TUBB8B: variants seen among roughly 807,000 people sequenced by gnomAD.
TUBB8B encodes HSA18p11 beta-tubulin 4Q pseudogene.
Under a neutral mutation model 31.9 loss-of-function variants are expected in TUBB8B, and 26 were observed. The observed-to-expected ratio is 0.81, with a 90% CI of 0.60 to 1.13. The LOEUF (loss-of-function observed/expected upper bound fraction) is 1.13. Among genes scored for constraint, TUBB8B ranks in the 50% most tolerant of loss-of-function variants. TUBB8B has a pLI of 0.00. For synonymous variants in TUBB8B, 173 were observed against 231.0 expected (o/e 0.75, Z 2.28); for missense variants, 467 against 586.7 (o/e 0.80, Z 2.11).
the TUBB8B span, among the ~76,000 whole-genome samples, chr18:70,155 G>T: frequency 3.9e-5 from 6 of 152,004 alleles, 1 homozygote; most frequent in South Asian, 1.2e-3. Flanking sequence ...GCAAAACCCT[G>T]TCTCAAAAAA....
rs1568384276 is a variant in TUBB8B at position 49,159 on chromosome 18, G to A, written c.136C>T (p.Arg46Cys). 3.3e-6 allele frequency: 5 copies of A among 1,495,010 alleles called. No individual in the cohort carries two copies. The highest frequency in any genetic ancestry group is 2.0e-5 in the Admixed American group (1 of 51,186). 92.6% of individuals were successfully genotyped at this position (1,495,010 alleles called of 1,614,324 possible). A position where few individuals can be genotyped will look rare whatever the true frequency, so the allele number is the denominator to read the frequency against. Reference protein sequence around the residue: ...YHGDSHLQLERINVHHHEASG... With the variant: ...YHGDSHLQLECINVHHHEASG... ...GCCTCGTGGTGGTGCACGTTGATGC[G>A]CTCCAGCTGCAGGTGGCTGTCCCCG... Residue 46 changes from arginine to cysteine, a missense_variant, in exon 2 of 4, where the codon CGC becomes TGC. Transcript: ENST00000308911.
chr18:59,871 C>T, the TUBB8B span, among the ~76,000 whole-genome samples: 2 of 151,782 alleles, frequency 1.3e-5, no homozygotes, highest in Non-Finnish European at 2.9e-5. Context: ...TGATATATCA[C>T]ATTGACTGAT....
At chr18:68,204 A>G in the TUBB8B span, among the ~76,000 whole-genome samples, 1 of 152,116 alleles carries the variant, frequency 6.6e-6, no homozygotes, top group African/African-American at 2.4e-5. Context: ...ACTTCTAGGA[A>G]TCTTGCAATA....
chr18:56,033 T>C, the TUBB8B span, among the ~76,000 whole-genome samples: 1 of 151,922 alleles, frequency 6.6e-6, no homozygotes, highest in Non-Finnish European at 1.5e-5. Context: ...AGTGTTGTAG[T>C]TTCATTCTTC....
At chr18:61,160 T>C in the TUBB8B span, among the ~76,000 whole-genome samples, 2 of 151,696 alleles carry the variant, frequency 1.3e-5, no homozygotes, top group African/African-American at 2.4e-5. Flanking sequence ...TATTTCTTAT[T>C]ATATCCTCTT....
chr18:57,762 G>C, the TUBB8B span, among the ~76,000 whole-genome samples: 1 of 151,892 alleles, frequency 6.6e-6, no homozygotes, highest in Non-Finnish European at 1.5e-5. Flanking sequence ...TTCTCCATGA[G>C]GGCTCCACCC....
At chr18:65,378 A>T in the TUBB8B span, among the ~76,000 whole-genome samples, 1 of 152,166 alleles carries the variant, frequency 6.6e-6, no homozygotes, top group Admixed American at 6.5e-5. Flanking sequence ...ATTACACAAC[A>T]TGATCACTAC....
At chr18:55,399 A>G in the TUBB8B span, among the ~76,000 whole-genome samples, 1 of 151,810 alleles carries the variant, frequency 6.6e-6, no homozygotes, top group Non-Finnish European at 1.5e-5. Context: ...GTGCCTGGCG[A>G]GACTGGGTAA....
At chr18:50,933 A>G (rs897422004), upstream of TUBB8B, among the ~76,000 whole-genome samples, 6 of 150,218 alleles carry the variant, frequency 4.0e-5, no homozygotes, top group African/African-American at 1.5e-4. Context: ...TGAATGATGT[A>G]TGGAAAAGCC....
chr18:60,905 C>T, the TUBB8B span, among the ~76,000 whole-genome samples: 4 of 151,584 alleles, frequency 2.6e-5, no homozygotes, highest in African/African-American at 9.7e-5. Context: ...AACCCATGTG[C>T]AGAGAAGAAC....
rs767523472 is a variant in TUBB8B at position 47,732 on chromosome 18, G to A, written c.993C>T (p.Phe331=). Residue 331 remains phenylalanine (F), a synonymous_variant, in exon 4 of 4, where the codon TTC becomes TTT. Transcript: ENST00000308911. ...AGCTGCTGTTCTTATCTTGAATGTT[G>A]AACATTTGTTCATCCACCTCCCTCA... The part of the protein sequence containing the change: ...MPMREVDEQM[F]NIQDKNSSYF... 7.8e-5 allele frequency: 125 copies of A among 1,610,786 alleles called. 1 individual carries two copies. Among genetic ancestry groups the A allele is most frequent in the Non-Finnish European group, 1.0e-4 (120 of 1,178,626 alleles).
chr18:72,177 C>CAAAAAAAAAAAAAAAAAAAAAA, the TUBB8B span, among the ~76,000 whole-genome samples: 119 of 78,744 alleles, frequency 1.5e-3, no homozygotes, highest in East Asian at 3.9e-3. Context: ...GACTCCATCT[C>CAAAAAAAAAAAAAAAAAAAAAA]AAAAAAAAAA....
the TUBB8B span, among the ~76,000 whole-genome samples, chr18:62,560 A>G: frequency 4.6e-5 from 7 of 151,316 alleles, no homozygotes; most frequent in African/African-American, 1.5e-4. Context: ...CTAGGACTAC[A>G]GGCACCCACC....
In TUBB8B at chr18:49,391, G is replaced by A. The variant is rs1184327743; in HGVS notation, c.57+110C>T. 12 of 707,816 alleles carry A rather than the reference G, an allele frequency of 1.7e-5. 1 individual carries two copies. The highest frequency in any genetic ancestry group is 1.3e-4 in the Admixed American group (5 of 38,092). The allele number at this position is 707,816 out of a possible 1,614,324, so 43.8% of individuals were successfully genotyped here. On this transcript the variant is annotated intron_variant, in intron 1 of 3. Transcript: ENST00000308911. ...CCAGCCACCCGGTTCCACCGTCCCC[G>A]GCAGGGAGCCCAGGGGCCGCAATGC...
At chr18:65,322 T>A in the TUBB8B span, among the ~76,000 whole-genome samples, 1 of 151,408 alleles carries the variant, frequency 6.6e-6, no homozygotes, top group Non-Finnish European at 1.5e-5. Flanking sequence ...AAAAAAAAAA[T>A]GCTCAAGAAA....
At chr18:55,580 A>C in the TUBB8B span, among the ~76,000 whole-genome samples, 1 of 151,702 alleles carries the variant, frequency 6.6e-6, no homozygotes, top group Admixed American at 6.6e-5. Flanking sequence ...ATCAGATCTC[A>C]TGAGAACTCA....
the TUBB8B span, among the ~76,000 whole-genome samples, chr18:72,221 C>T: frequency 8.1e-6 from 1 of 123,386 alleles, no homozygotes; most frequent in Non-Finnish European, 1.7e-5. Flanking sequence ...TAAGAAAAGA[C>T]ACCACAGGGC....
the TUBB8B span, among the ~76,000 whole-genome samples, chr18:55,397 C>A: frequency 6.6e-6 from 1 of 151,804 alleles, no homozygotes; most frequent in Non-Finnish European, 1.5e-5. Context: ...CTGTGCCTGG[C>A]GAGACTGGGT....
At chr18:53,482 C>T (rs1044502138), upstream of TUBB8B, among the ~76,000 whole-genome samples, 6 of 151,602 alleles carry the variant, frequency 4.0e-5, no homozygotes, top group African/African-American at 1.5e-4. Context: ...TTATCATTAT[C>T]GTTTTGAGAC....
Sources: allele counts gnomAD v4.1 joint callset (sites outside exome capture counted in the v4.1 genomes callset), GRCh38; gene constraint gnomAD v4.1.1; transcripts MANE v1.5; gene names NCBI Gene and HGNC (gene_info 2026-07-23, HGNC 2026-07-21).